Variants in ARHGAP5 observed in about 807,000 individuals in gnomAD.
ARHGAP5 encodes the protein rho GTPase-activating protein 5.
Under a neutral mutation model 116.6 loss-of-function variants are expected in ARHGAP5, and 23 were observed. The ratio of observed to expected loss-of-function variants is 0.20; its 90% confidence interval spans 0.14 to 0.28. The LOEUF (loss-of-function observed/expected upper bound fraction) is 0.28. Among genes scored for constraint, ARHGAP5 ranks in the 10% least tolerant of loss-of-function variants. ARHGAP5 has a pLI of 1.00. For synonymous variants in ARHGAP5, 574 were observed against 602.0 expected (o/e 0.95, Z 0.68); for missense variants, 1,405 against 1,774.8 (o/e 0.79, Z 3.74).
At chr14:32,096,974 A>G (rs1281373630) in intron 2 of ARHGAP5, among the ~76,000 whole-genome samples, 3 of 152,228 alleles carry the variant, frequency 2.0e-5, no homozygotes, top group Non-Finnish European at 4.4e-5. Flanking sequence ...AGAACTTGGC[A>G]GCACAACCTG....
At chr14:32,119,275 T>A (rs1376050708) in intron 3 of ARHGAP5, among the ~76,000 whole-genome samples, 5 of 152,132 alleles carry the variant, frequency 3.3e-5, no homozygotes, top group Non-Finnish European at 4.4e-5. Context: ...TTCTTATATT[T>A]AAGGTTCAAC....
At chr14:32,094,834 A>T (rs1195872035) in intron 2 of ARHGAP5, among the ~76,000 whole-genome samples, 1 of 152,174 alleles carries the variant, frequency 6.6e-6, no homozygotes, top group East Asian at 1.9e-4. Flanking sequence ...TTCTTTGCAG[A>T]TGGTGGTATA....
chr14:32,150,662 A>G (rs1248216196), intron 5 of ARHGAP5, among the ~76,000 whole-genome samples: 1 of 152,236 alleles, frequency 6.6e-6, no homozygotes, highest in African/African-American at 2.4e-5. Flanking sequence ...TAATCTGTTC[A>G]TGAGGACAAA....
intron 3 of ARHGAP5, among the ~76,000 whole-genome samples, chr14:32,117,493 G>C (rs1000882834): frequency 1.3e-5 from 2 of 152,166 alleles, no homozygotes; most frequent in Non-Finnish European, 2.9e-5. Context: ...TTCTCTTGAA[G>C]TAATAAATGG....
In ARHGAP5 at chr14:32,152,499, A is replaced by G. The variant is rs143627018; in HGVS notation, c.4152A>G (p.Val1384=). 1.6e-5 allele frequency: 26 copies of G among 1,600,772 alleles called. No individual in the cohort carries two copies. The highest frequency in any genetic ancestry group is 2.2e-5 in the Non-Finnish European group (26 of 1,174,764). The change falls in exon 6 of 7, where the codon GTA becomes GTG. Residue 1384 remains valine, a synonymous_variant. Transcript: ENST00000345122. ...VKKFHPVNYD[V]FRYVITHLNR... is the part of the protein sequence containing the mutation. ...AATTTCATCCTGTAAACTATGATGT[A>G]TTCAGATACGTGATAACACATCTAA...
At chr14:32,110,209 TAAAAAA>T (rs563872548) in intron 2 of ARHGAP5, among the ~76,000 whole-genome samples, 13 of 113,942 alleles carry the variant, frequency 1.1e-4, no homozygotes, top group African/African-American at 4.0e-4. Flanking sequence ...GCTGGGGAGA[TAAAAAA>T]AAAAAAAAGA....
chr14:32,125,232 T>G (rs1257754067), intron 3 of ARHGAP5, among the ~76,000 whole-genome samples: 4 of 152,226 alleles, frequency 2.6e-5, no homozygotes, highest in African/African-American at 9.6e-5. Flanking sequence ...ATTTACTAAT[T>G]CTGGATATTT....
At chr14:32,138,147 A>G (rs182931652) in intron 3 of ARHGAP5, among the ~76,000 whole-genome samples, 13 of 152,206 alleles carry the variant, frequency 8.5e-5, no homozygotes, top group African/African-American at 3.1e-4. Context: ...GCTGTTGTAA[A>G]TAGAATTTTT....
chr14:32,149,297 C>T (rs1004867306), intron 4 of ARHGAP5, among the ~76,000 whole-genome samples: 18 of 151,168 alleles, frequency 1.2e-4, no homozygotes, highest in African/African-American at 4.1e-4. Flanking sequence ...ACTACAGGTA[C>T]GCACCACCTC....
At chr14:32,142,181 T>G (rs1881158103) in intron 3 of ARHGAP5, among the ~76,000 whole-genome samples, 1 of 152,184 alleles carries the variant, frequency 6.6e-6, no homozygotes, top group East Asian at 1.9e-4. Flanking sequence ...TGTTCATGGT[T>G]TCCTTTAGAT....
chr14:32,100,905 T>C (rs1249578580), intron 2 of ARHGAP5, among the ~76,000 whole-genome samples: 2 of 152,212 alleles, frequency 1.3e-5, no homozygotes, highest in East Asian at 3.8e-4. Flanking sequence ...TTTGAACACA[T>C]TCAAGGAGTG....
intron 3 of ARHGAP5, among the ~76,000 whole-genome samples, chr14:32,138,309 G>C (rs962398021): frequency 6.6e-6 from 1 of 152,296 alleles, no homozygotes. Context: ...TTTAGAGGCA[G>C]AGTCTCACTC....
At chr14:32,085,841 A>G (rs139866025) in intron 1 of ARHGAP5, among the ~76,000 whole-genome samples, 91 of 152,234 alleles carry the variant, frequency 6.0e-4, no homozygotes, top group African/African-American at 2.1e-3. Context: ...TTCACTTTTG[A>G]AAAAAAATTT....
In ARHGAP5 at chr14:32,082,876, A is replaced by G. The variant is rs191767264; in HGVS notation, c.-169+5441A>G. Reference sequence around the variant, plus strand: ...TTAAATTCTGTGATAGTTCACGTGCATTTAGCCTGTAGTATTTGTCTATCT... The same window carrying G: ...TTAAATTCTGTGATAGTTCACGTGCGTTTAGCCTGTAGTATTTGTCTATCT... On this transcript the variant is annotated intron_variant, in intron 1 of 6. Coordinates refer to ENST00000345122, the MANE Select transcript of ARHGAP5 (RefSeq NM_001030055.2). Among the ~76,000 whole-genome samples, 107 of 152,324 alleles carry G rather than the reference A, an allele frequency of 7.0e-4. 1 individual carries two copies. In the East Asian group the frequency reaches 0.017, roughly 25 times the overall value.
chr14:32,084,217 A>G (rs1398935804), intron 1 of ARHGAP5, among the ~76,000 whole-genome samples: 3 of 152,202 alleles, frequency 2.0e-5, no homozygotes, highest in Admixed American at 1.3e-4. Flanking sequence ...TTGAAATATC[A>G]GAAGATAAAA....
At chr14:32,111,839 A>AT (rs34512246) in intron 2 of ARHGAP5, among the ~76,000 whole-genome samples, 5,927 of 93,188 alleles carry the variant, frequency 0.064, 546 homozygotes, top group African/African-American at 0.17. Flanking sequence ...TTCTTCTTTG[A>AT]TTTTTTTTTT....
At chr14:32,151,075 C>T (rs1176092753) in intron 5 of ARHGAP5, among the ~76,000 whole-genome samples, 2 of 152,082 alleles carry the variant, frequency 1.3e-5, no homozygotes, top group African/African-American at 4.8e-5. Context: ...TTTTTTAATT[C>T]TGTATATTGT....
At chr14:32,105,854 A>G (rs1395567228) in intron 2 of ARHGAP5, among the ~76,000 whole-genome samples, 1 of 152,234 alleles carries the variant, frequency 6.6e-6, no homozygotes, top group East Asian at 1.9e-4. Context: ...CAAGGATGTT[A>G]TATAAATGGA....
At chr14:32,113,545 A>G (rs769537591) in intron 2 of ARHGAP5, among the ~76,000 whole-genome samples, 7 of 152,234 alleles carry the variant, frequency 4.6e-5, no homozygotes, top group Non-Finnish European at 1.0e-4. Flanking sequence ...GCAGATTTAA[A>G]TAATTTGCCC....
Sources: gnomAD v4.1 joint callset for allele counts (sites outside exome capture counted in the v4.1 genomes callset) on GRCh38, gnomAD v4.1.1 for gene constraint, MANE v1.5 for transcripts, NCBI Gene and HGNC (gene_info 2026-07-23, HGNC 2026-07-21) for gene names.